The following LIMK2 variants were observed in gnomAD, a reference collection of about 807,000 sequenced individuals.
LIMK2 encodes the protein LIM domain kinase 2.
Under a neutral mutation model 75.7 loss-of-function variants are expected in LIMK2, and 35 were observed. The observed-to-expected ratio is 0.46, with a 90% confidence interval of 0.35 to 0.61. The LOEUF (loss-of-function observed/expected upper bound fraction) is 0.61. Ranked by LOEUF, LIMK2 falls within the 20% of genes least tolerant of loss-of-function variation. LIMK2 has a pLI of 0.00. For missense variants in LIMK2, 623 were observed against 831.0 expected (o/e 0.75, Z 3.08); for synonymous variants, 301 against 319.2 (o/e 0.94, Z 0.61).
intron 3 of LIMK2, chr22:31,258,722 A>T (rs546273242): frequency 7.2e-5 from 30 of 417,842 alleles, no homozygotes; most frequent in African/African-American, 5.7e-4. Flanking sequence ...TGAGAGGAGG[A>T]TATACTTAGG....
intron 2 of LIMK2, among the ~76,000 whole-genome samples, chr22:31,252,578 A>G (rs1382898467): frequency 1.8e-5 from 1 of 54,082 alleles, no homozygotes; most frequent in Non-Finnish European, 3.1e-5. Context: ...CTATTTGGAT[A>G]GATAAATAAA....
At position 31,262,160 on chromosome 22, in the gene LIMK2, A is replaced by G; in HGVS notation, c.578A>G (p.Asn193Ser). ...KEVNRMHISP[N>S]NRNAIHPGDR... ...GTCAACCGGATGCACATCAGTCCCA[A>G]CAATCGAAACGCCATCCACCCTGGG... The change falls in exon 6 of 16, where the codon AAC becomes AGC. Residue 193 changes from asparagine to serine, a missense_variant. Coordinates refer to ENST00000331728, the MANE Select transcript of LIMK2 (RefSeq NM_005569.4). The surrounding 1 kb of genome is among the most constrained non-coding windows in gnomAD (Gnocchi z 5.0). The G allele has an allele frequency of 6.2e-7, 1 of 1,614,192 alleles. No individual in the cohort carries two copies. Among genetic ancestry groups the G allele is most frequent in the Non-Finnish European group, 8.5e-7 (1 of 1,180,012 alleles).
At chr22:31,232,602 A>C (rs1028486844) in intron 2 of LIMK2, among the ~76,000 whole-genome samples, 1 of 152,008 alleles carries the variant, frequency 6.6e-6, no homozygotes, top group Non-Finnish European at 1.5e-5. Context: ...CCTCTTAATT[A>C]ATTCATTAAT....
At chr22:31,274,452 G>C (rs968912143) in intron 14 of LIMK2, among the ~76,000 whole-genome samples, 14 of 152,184 alleles carry the variant, frequency 9.2e-5, no homozygotes, top group African/African-American at 3.4e-4. Context: ...CCAGGCTGGA[G>C]TGCAGAGGTG....
intron 2 of LIMK2, among the ~76,000 whole-genome samples, chr22:31,244,079 C>T (rs1292088835): frequency 6.6e-6 from 1 of 152,192 alleles, no homozygotes; most frequent in African/African-American, 2.4e-5. Context: ...GATGTCCTCT[C>T]ACTTATTCCC....
intron 1 of LIMK2, among the ~76,000 whole-genome samples, chr22:31,216,821 G>T (rs755791562): frequency 6.6e-6 from 1 of 152,132 alleles, no homozygotes; most frequent in Non-Finnish European, 1.5e-5. Context: ...CCTTGAGCGG[G>T]TCTGATAGGG....
intron 2 of LIMK2, among the ~76,000 whole-genome samples, chr22:31,235,205 G>A (rs138883136): frequency 1.4e-4 from 21 of 152,286 alleles, no homozygotes; most frequent in African/African-American, 5.1e-4. Context: ...TTTGTTGAAT[G>A]AATTGCTAGA....
At chr22:31,242,832 A>G (rs1383764908) in intron 2 of LIMK2, among the ~76,000 whole-genome samples, 1 of 152,246 alleles carries the variant, frequency 6.6e-6, no homozygotes, top group Non-Finnish European at 1.5e-5. Flanking sequence ...ACACTGACTG[A>G]GTTCCATGAG....
chr22:31,274,368 C>A (rs959644938), intron 14 of LIMK2, among the ~76,000 whole-genome samples: 1 of 151,974 alleles, frequency 6.6e-6, no homozygotes, highest in African/African-American at 2.4e-5. Context: ...AGAGGAGAGA[C>A]AAGGGATGGT....
chr22:31,243,726 C>G (rs1568989772), intron 2 of LIMK2, among the ~76,000 whole-genome samples: 2 of 152,236 alleles, frequency 1.3e-5, no homozygotes, highest in Non-Finnish European at 2.9e-5. Context: ...GCAGCCATAA[C>G]TGATGAATGT....
intron 14 of LIMK2, among the ~76,000 whole-genome samples, chr22:31,273,834 A>G (rs1250320061): frequency 6.6e-6 from 1 of 151,980 alleles, no homozygotes; most frequent in African/African-American, 2.4e-5. Context: ...AGTAGCTGGG[A>G]CTACCGGCAC....
chr22:31,231,013 G>A (rs1045093655), intron 2 of LIMK2, among the ~76,000 whole-genome samples: 3 of 152,180 alleles, frequency 2.0e-5, no homozygotes, highest in South Asian at 2.1e-4. Flanking sequence ...TACCTACTTC[G>A]AGAATAGGGA....
At position 31,262,378 on chromosome 22, in the gene LIMK2, T is replaced by C; in HGVS notation, c.657+139T>C. ...ATTGAGCCTGTGACCACTGGTGACC[T>C]ATTTCAGCGTAACAGGTTCCCAGGG... is the stretch of plus-strand genomic sequence containing the variant. On this transcript the variant is annotated intron_variant, in intron 6 of 15. Coordinates refer to ENST00000331728, the MANE Select transcript of LIMK2 (RefSeq NM_005569.4). The surrounding 1 kb of genome is among the most constrained non-coding windows in gnomAD (Gnocchi z 5.0). The C allele has an allele frequency of 1.2e-6, 1 of 817,674 alleles. No individual in the cohort carries two copies. Among genetic ancestry groups the C allele is most frequent in the Non-Finnish European group, 2.0e-6 (1 of 498,174 alleles). 50.7% of individuals were successfully genotyped at this position (817,674 alleles called of 1,614,324 possible). A position where few individuals can be genotyped will look rare whatever the true frequency, so the allele number is the denominator to read the frequency against.
intron 10 of LIMK2, 91 bp downstream of exon 10, chr22:31,267,998 G>C: frequency 6.4e-7 from 1 of 1,552,024 alleles, no homozygotes; most frequent in Non-Finnish European, 8.8e-7. Flanking sequence ...GGGCAGAGGG[G>C]CCCTGCTTTG....
Position 31,266,040 on chromosome 22 carries a change from T to C in LIMK2, c.949T>C (p.Cys317Arg), listed in dbSNP as rs2048891592. 4.3e-6 allele frequency: 7 copies of C among 1,614,202 alleles called. No homozygotes were observed. The highest frequency in any genetic ancestry group is 5.9e-6 in the Non-Finnish European group (7 of 1,180,026). Residue 317 changes from cysteine (C) to arginine (R), a missense_variant, in exon 8 of 16, where the codon TGT becomes CGT. By Grantham distance (180) the Cys-to-Arg change is radical. Transcript: ENST00000331728. ...CATCAGCCGCTCAGAATCCCTTCGT[T>C]GTTCCAGCAGCTATTCACAGCAGAT... is the stretch of plus-strand genomic sequence containing the variant. ...RDISRSESLR[C>R]SSSYSQQIFR...
At chr22:31,251,974 G>T (rs1568993134) in intron 2 of LIMK2, among the ~76,000 whole-genome samples, 1 of 152,208 alleles carries the variant, frequency 6.6e-6, no homozygotes, top group Non-Finnish European at 1.5e-5. Context: ...TCACTGGGAG[G>T]TTAAGGGATG....
At position 31,262,110 on chromosome 22, in the gene LIMK2, T is replaced by C; in HGVS notation, c.552-24T>C. 1 of 1,594,214 alleles carries C rather than the reference T, an allele frequency of 6.3e-7. No individual in the cohort carries two copies. Among genetic ancestry groups the C allele is most frequent in the African/African-American group, 1.3e-5 (1 of 74,650 alleles). ...GCAGGTTTTTAGGACATCTTTACCC[T>C]GCCTCAACTCTTGTCTGGCCCAGGG... is the stretch of plus-strand genomic sequence containing the variant. On this transcript the variant is annotated intron_variant, in intron 5 of 15. Transcript: ENST00000331728. This position sits in a 1 kb window ranked among gnomAD's most constrained non-coding sequence, Gnocchi z 5.0.
At chr22:31,256,289 G>A (rs1013438926) in intron 2 of LIMK2, among the ~76,000 whole-genome samples, 27 of 150,198 alleles carry the variant, frequency 1.8e-4, no homozygotes, top group South Asian at 4.2e-4. Context: ...GAGCCACCGC[G>A]CCCTGCCTAT....
chr22:31,255,862 CTA>C (rs1369744110), intron 2 of LIMK2, among the ~76,000 whole-genome samples: 28 of 151,370 alleles, frequency 1.8e-4, no homozygotes, highest in Admixed American at 1.6e-3. Flanking sequence ...TGAGAGAAAG[CTA>C]CTAAGAGAAG....
Sources: allele counts gnomAD v4.1 joint callset (sites outside exome capture counted in the v4.1 genomes callset), GRCh38; gene constraint gnomAD v4.1.1; non-coding constraint Gnocchi (gnomAD v3.1); transcripts MANE v1.5; gene names NCBI Gene and HGNC (gene_info 2026-07-23, HGNC 2026-07-21).